The following CXADR variants were observed in gnomAD, a reference collection of about 807,000 sequenced individuals.
CXADR encodes coxsackievirus and adenovirus receptor.
Under a neutral mutation model 40.3 loss-of-function variants are expected in CXADR, and 20 were observed. The observed-to-expected ratio is 0.50, with a 90% CI of 0.35 to 0.72. The LOEUF (loss-of-function observed/expected upper bound fraction) is 0.72. CXADR is among the 30% of genes least tolerant of loss of function. The probability of loss-of-function intolerance (pLI) is 0.01; values close to 1 mark genes in which losing one functional copy is unlikely to be tolerated. For synonymous variants in CXADR, 150 were observed against 161.3 expected (o/e 0.93, Z 0.53); for missense variants, 332 against 449.1 (o/e 0.74, Z 2.36).
the CXADR span, among the ~76,000 whole-genome samples, chr21:17,610,281 A>G: frequency 1.3e-5 from 2 of 152,324 alleles, no homozygotes; most frequent in East Asian, 3.9e-4. Flanking sequence ...TGAATATACT[A>G]AAACCATTGA....
At chr21:17,586,784 A>T (rs1442418031) in intron 7 of CXADR, among the ~76,000 whole-genome samples, 2 of 152,148 alleles carry the variant, frequency 1.3e-5, no homozygotes, top group East Asian at 3.9e-4. Context: ...CATGTGCACA[A>T]CGTGCAGGTT....
the CXADR span, among the ~76,000 whole-genome samples, chr21:17,614,909 C>G: frequency 6.6e-6 from 1 of 152,110 alleles, no homozygotes; most frequent in Non-Finnish European, 1.5e-5. Context: ...ATGCTTTGCC[C>G]CAGCTCTCTT....
At chr21:17,547,450 C>T (rs2060912567) in intron 2 of CXADR, among the ~76,000 whole-genome samples, 1 of 152,176 alleles carries the variant, frequency 6.6e-6, no homozygotes, top group Non-Finnish European at 1.5e-5. Flanking sequence ...AGAGACACTT[C>T]AGGGAAGAAG....
intron 5 of CXADR, 113 bp downstream of exon 5, chr21:17,560,937 A>T (rs1356464879): frequency 6.9e-7 from 1 of 1,442,296 alleles, no homozygotes; most frequent in African/African-American, 1.4e-5. Flanking sequence ...TTTGATCAGA[A>T]CACTGTGGTT....
At chr21:17,621,838 G>C in the CXADR span, among the ~76,000 whole-genome samples, 6 of 152,156 alleles carry the variant, frequency 3.9e-5, no homozygotes, top group Non-Finnish European at 8.8e-5. Context: ...TTTTGTTGTA[G>C]CAGCACAAAC....
chr21:17,562,846 A>C (rs1011218326), intron 6 of CXADR, among the ~76,000 whole-genome samples: 1 of 152,084 alleles, frequency 6.6e-6, no homozygotes, highest in Non-Finnish European at 1.5e-5. Context: ...TTAGCTTCCA[A>C]CTTTTCTTCT....
intron 2 of CXADR, among the ~76,000 whole-genome samples, chr21:17,551,062 G>GT (rs1240336196): frequency 1.3e-5 from 2 of 152,064 alleles, no homozygotes; most frequent in Non-Finnish European, 2.9e-5. Context: ...GTTACACTTG[G>GT]TTGGCAAACT....
At chr21:17,539,139 T>C (rs563507245) in intron 1 of CXADR, among the ~76,000 whole-genome samples, 1 of 152,286 alleles carries the variant, frequency 6.6e-6, no homozygotes, top group South Asian at 2.1e-4. Context: ...AAAGTGTTGG[T>C]AGTAGGTCAC....
intron 7 of CXADR, among the ~76,000 whole-genome samples, chr21:17,587,171 C>T (rs1231133400): frequency 6.6e-6 from 1 of 152,208 alleles, no homozygotes; most frequent in Non-Finnish European, 1.5e-5. Flanking sequence ...CAAGTCTTTG[C>T]TATTGTGAAT....
intron 1 of CXADR, among the ~76,000 whole-genome samples, chr21:17,546,724 A>G (rs2060901815): frequency 6.6e-6 from 1 of 152,234 alleles, no homozygotes; most frequent in South Asian, 2.1e-4. Flanking sequence ...AGCCAAATTC[A>G]GTTTTAAACA....
At chr21:17,522,322 A>T (rs1307578578) in intron 1 of CXADR, among the ~76,000 whole-genome samples, 12 of 151,626 alleles carry the variant, frequency 7.9e-5, no homozygotes, top group Non-Finnish European at 1.5e-5. Context: ...GTAATTTTGT[A>T]TTTTTAGTAG....
chr21:17,628,415 G>T, the CXADR span, among the ~76,000 whole-genome samples: 1 of 152,206 alleles, frequency 6.6e-6, no homozygotes, highest in Non-Finnish European at 1.5e-5. Context: ...CCATGGTGTA[G>T]TTCCAGTCCC....
the CXADR span, among the ~76,000 whole-genome samples, chr21:17,633,764 A>G: frequency 2.0e-5 from 3 of 152,152 alleles, no homozygotes; most frequent in African/African-American, 7.2e-5. Flanking sequence ...TCTTTGAGCC[A>G]ATTCATCTCC....
At chr21:17,556,123 T>C (rs1322987029) in intron 3 of CXADR, among the ~76,000 whole-genome samples, 1 of 152,232 alleles carries the variant, frequency 6.6e-6, no homozygotes, top group East Asian at 1.9e-4. Context: ...AAGCAGATGT[T>C]CTGAGGACAG....
chr21:17,583,780 A>G (rs985910515), intron 7 of CXADR, among the ~76,000 whole-genome samples: 2 of 152,224 alleles, frequency 1.3e-5, no homozygotes, highest in Admixed American at 6.5e-5. Flanking sequence ...CACTATCCTA[A>G]TGATCACATG....
At position 17,568,958 on chromosome 21, in the gene CXADR, A is replaced by G. The variant is rs937089053; in HGVS notation, c.*3266A>G. ...ATCCAAATCACTATCCATATAGATC[A>G]TGGATATAAAGAGATACCTGATTTT... On this transcript the variant is annotated 3_prime_UTR_variant, in exon 7 of 7. Transcript: ENST00000284878. 51 of 983,422 alleles carry G rather than the reference A, an allele frequency of 5.2e-5. No individual in the cohort carries two copies. The highest frequency in any genetic ancestry group is 6.0e-5 in the Non-Finnish European group (50 of 828,230). 60.9% of individuals were successfully genotyped at this position (983,422 alleles called of 1,614,324 possible). A position where few individuals can be genotyped will look rare whatever the true frequency, so the allele number is the denominator to read the frequency against.
the CXADR span, chr21:17,598,920 C>G: frequency 1.1e-6 from 1 of 920,498 alleles, no homozygotes. Context: ...GCCATCAATA[C>G]AAGGCAAAGA....
chr21:17,550,282 A>C (rs1285659729), intron 2 of CXADR, among the ~76,000 whole-genome samples: 1 of 147,472 alleles, frequency 6.8e-6, no homozygotes, highest in South Asian at 2.2e-4. Flanking sequence ...TTAACCCAGG[A>C]GGTGGAGGTT....
intron 7 of CXADR, among the ~76,000 whole-genome samples, chr21:17,577,623 T>A (rs1466977927): frequency 6.9e-6 from 1 of 144,160 alleles, no homozygotes; most frequent in Admixed American, 7.0e-5. Context: ...TTTTTTTTTT[T>A]TTTTTTTTTT....
Sources: gnomAD v4.1 joint callset for allele counts (sites outside exome capture counted in the v4.1 genomes callset) on GRCh38, gnomAD v4.1.1 for gene constraint, MANE v1.5 for transcripts, NCBI Gene and HGNC (gene_info 2026-07-23, HGNC 2026-07-21) for gene names.